The following PIGG variants were observed in gnomAD, a reference collection of about 807,000 sequenced individuals.
The protein encoded by PIGG is phosphatidylinositol glycan anchor biosynthesis class G (EMM blood group), also known as GPI ethanolamine phosphate transferase 2, catalytic subunit.
PIGG carries 70 observed loss-of-function variants against 83.2 expected under a neutral mutation model. The ratio of observed to expected loss-of-function variants is 0.84; its 90% confidence interval spans 0.69 to 1.03. PIGG has a LOEUF of 1.03. PIGG is among the 50% of genes least tolerant of loss of function. The pLI is 0.00. For missense variants in PIGG, 1,257 were observed against 1,233.6 expected, an observed-to-expected ratio of 1.02 and a Z score of -0.28; for synonymous variants, 532 against 519.5, an observed-to-expected ratio of 1.02 and a Z score of -0.33.
rs1553873895 is a variant in PIGG, at chr4:499,312, C to T, written c.-24C>T. The T allele has an allele frequency of 1.2e-6, 2 of 1,601,844 alleles. No homozygotes were observed. The highest frequency in any genetic ancestry group is 1.3e-5 in the African/African-American group (1 of 74,984). ...GCGAGGCTCCAGGTGGGGTCGGTTC[C>T]GCATCCAGCCTAGCGTGTCCACGAT... On this transcript the variant is annotated 5_prime_UTR_variant, in exon 1 of 13. Transcript: ENST00000453061.
chr4:515,384 C>A lies in PIGG; in HGVS notation c.902-589C>A, dbSNP rs1723494243. ...GTAGGATAGCCACTCACTGTTCAGG[C>A]TTGAGCTTTAGCCAGCAGGCAGATG... On this transcript the variant is annotated intron_variant, in intron 5 of 12. Coordinates refer to ENST00000453061, the MANE Select transcript of PIGG (RefSeq NM_001127178.3). This position sits in a 1 kb window ranked among gnomAD's most constrained non-coding sequence, Gnocchi z 4.2. Among the ~76,000 whole-genome samples the A allele has an allele frequency of 6.6e-6, 1 of 152,248 alleles. No homozygotes were observed. Among genetic ancestry groups the A allele is most frequent in the African/African-American group, 2.4e-5 (1 of 41,476 alleles).
intron 6 of PIGG, among the ~76,000 whole-genome samples, chr4:520,065 C>G (rs865837561): frequency 6.6e-6 from 1 of 152,194 alleles, no homozygotes; most frequent in Non-Finnish European, 1.5e-5. Flanking sequence ...TGCTCAGGGA[C>G]TTGTGCCACA....
intron 4 of PIGG, among the ~76,000 whole-genome samples, chr4:507,946 ACT>A (rs563015082): frequency 1.4e-5 from 2 of 147,796 alleles, no homozygotes; most frequent in Non-Finnish European, 3.0e-5. Context: ...GTTCTGTGTC[ACT>A]CTCTCTTCTG....
rs782318668 is a variant in PIGG, at chr4:508,969, CG to C, written c.901+1del. 17 of 1,608,806 alleles carry C rather than the reference CG, an allele frequency of 1.1e-5. No homozygotes were observed. In the East Asian group the frequency reaches 1.1e-4, roughly 11 times the overall value. Reference protein sequence around the residue: ...LISSAFERKPGDIRHPKHVQQ... With the variant: ...LISSAFERKPXDIRHPKHVQQ... ...TCAGTTCTGCGTTTGAAAGGAAACC[CG>C]GTGAGAATTTAGGAATGTTAACAGT... On this transcript the variant is annotated frameshift_variant and splice_region_variant, in exon 5 of 13. Transcript: ENST00000453061. LOFTEE classifies it high-confidence loss of function.
At chr4:520,204 A>G (rs1386530616) in intron 6 of PIGG, among the ~76,000 whole-genome samples, 1 of 152,242 alleles carries the variant, frequency 6.6e-6, no homozygotes, top group Non-Finnish European at 1.5e-5. Context: ...CCTTCTTGGC[A>G]TGGCTCTTCT....
chr4:527,329 G>A (rs1727935685), intron 10 of PIGG, 99 bp downstream of exon 10: 5 of 1,437,876 alleles, frequency 3.5e-6, no homozygotes, highest in Middle Eastern at 2.6e-4. Context: ...TTGATGAACT[G>A]AGAAGACCAA....
intron 5 of PIGG, among the ~76,000 whole-genome samples, chr4:514,139 T>C (rs1723107718): frequency 6.6e-6 from 1 of 152,218 alleles, no homozygotes; most frequent in Non-Finnish European, 1.5e-5. Flanking sequence ...CAAGTCCAGC[T>C]TCACCAGTTA....
At chr4:524,279 G>A (rs943289728) in intron 9 of PIGG, among the ~76,000 whole-genome samples, 3 of 152,196 alleles carry the variant, frequency 2.0e-5, no homozygotes, top group Admixed American at 6.5e-5. Flanking sequence ...TGTGCCCCCC[G>A]CCCATCACTC....
Position 530,616 on chromosome 4 carries a change from TC to T in PIGG, c.2444del (p.Pro815ArgfsTer3), listed in dbSNP as rs1183515598. The T allele has an allele frequency of 2.5e-6, 4 of 1,613,822 alleles. No individual in the cohort carries two copies. The highest frequency in any genetic ancestry group is 2.5e-6 in the Non-Finnish European group (3 of 1,179,824). On this transcript the variant is annotated frameshift_variant, in exon 11 of 13. Coordinates refer to ENST00000453061, the MANE Select transcript of PIGG (RefSeq NM_001127178.3). LOFTEE classifies it high-confidence loss of function. ...AALLFRPHNL[P>X]VLAFSLLIQT... ...CCTTGCTCTTTAGACCACATAATCT[TC>T]CGGTCTTAGCATTTAGCCTCTTGAT...
chr4:520,860 T>C (rs1481019876), intron 6 of PIGG, among the ~76,000 whole-genome samples, 196 bp from the exon 7 acceptor site: 2 of 152,194 alleles, frequency 1.3e-5, no homozygotes, highest in African/African-American at 4.8e-5. Context: ...TGGATGCACA[T>C]TGGCAGCTTT....
intron 12 of PIGG, among the ~76,000 whole-genome samples, chr4:537,997 GAC>G (rs1229094929): frequency 2.0e-5 from 3 of 150,834 alleles, no homozygotes; most frequent in South Asian, 4.2e-4. Flanking sequence ...GTGGGGCCCA[GAC>G]ACACATACGT....
intron 2 of PIGG, 100 bp downstream of exon 2, chr4:500,701 G>T (rs1717361671): frequency 5.1e-6 from 4 of 777,386 alleles, no homozygotes; most frequent in Non-Finnish European, 8.8e-6. Context: ...TTTTAAGAAA[G>T]TGGAAATTTT....
At chr4:529,514 A>G (rs1728513640) in intron 10 of PIGG, among the ~76,000 whole-genome samples, 1 of 151,986 alleles carries the variant, frequency 6.6e-6, no homozygotes, top group Non-Finnish European at 1.5e-5. Context: ...AGTTTTCACA[A>G]TATTATGATA....
At position 516,027 on chromosome 4, in the gene PIGG, C is replaced by A; in HGVS notation, c.956C>A (p.Ala319Glu). The A allele has an allele frequency of 1.9e-6, 3 of 1,614,204 alleles. No homozygotes were observed. The highest frequency in any genetic ancestry group is 2.5e-6 in the Non-Finnish European group (3 of 1,180,012). Residue 319 changes from alanine (A) to glutamate (E), a missense_variant, in exon 6 of 13, where the codon GCG becomes GAG. Coordinates refer to ENST00000453061, the MANE Select transcript of PIGG (RefSeq NM_001127178.3). ...CAGACGGATGTGGCTGCGACACTGG[C>A]GATAGCACTTGGCTTACCGATTCCA... ...VQQTDVAATLAIALGLPIPKD... is the reference protein window; with the variant it reads ...VQQTDVAATLEIALGLPIPKD...
intron 3 of PIGG, chr4:506,821 G>A: frequency 2.2e-6 from 1 of 456,162 alleles, no homozygotes; most frequent in Non-Finnish European, 4.4e-6. Context: ...TAGGACACAT[G>A]TAGATGCCCT....
At chr4:502,815 CAG>C (rs1285583648) in intron 2 of PIGG, among the ~76,000 whole-genome samples, 4 of 151,850 alleles carry the variant, frequency 2.6e-5, no homozygotes, top group African/African-American at 9.7e-5. Context: ...GGGATGAAAA[CAG>C]AAAACTTTTA....
intron 5 of PIGG, among the ~76,000 whole-genome samples, chr4:511,587 G>A (rs1291236083): frequency 1.3e-5 from 2 of 152,164 alleles, no homozygotes; most frequent in African/African-American, 4.8e-5. Context: ...TAAACTGATG[G>A]CATAGTGATA....
chr4:509,559 C>T (rs1553882061), intron 5 of PIGG, among the ~76,000 whole-genome samples: 4 of 152,234 alleles, frequency 2.6e-5, no homozygotes, highest in African/African-American at 9.6e-5. Context: ...CGCTGCCTCA[C>T]TCTTGGTGAG....
At chr4:512,186 T>G (rs1203028160) in intron 5 of PIGG, among the ~76,000 whole-genome samples, 2 of 151,722 alleles carry the variant, frequency 1.3e-5, no homozygotes, top group Admixed American at 6.6e-5. Flanking sequence ...GTTAAACCCC[T>G]TTAGTGAATT....
Sources: allele counts gnomAD v4.1 joint callset (sites outside exome capture counted in the v4.1 genomes callset), GRCh38; gene constraint gnomAD v4.1.1; non-coding constraint Gnocchi (gnomAD v3.1); transcripts MANE v1.5; gene names NCBI Gene and HGNC (gene_info 2026-07-23, HGNC 2026-07-21).